The following RBFOX1 variants were observed in gnomAD, a reference collection of about 807,000 sequenced individuals.
The protein encoded by RBFOX1 is RNA binding fox-1 homolog 1.
RBFOX1 carries 8 observed loss-of-function variants against 57.7 expected under a neutral mutation model. The observed-to-expected ratio is 0.14, with a 90% confidence interval of 0.08 to 0.25. RBFOX1 has a LOEUF of 0.25. RBFOX1 is among the 10% of genes least tolerant of loss of function. RBFOX1 has a pLI of 1.00. For missense variants in RBFOX1, 611 were observed against 548.5 expected (o/e 1.11, Z -1.14); for synonymous variants, 326 against 222.4 (o/e 1.47, Z -4.15).
chr16:6,140,455 C>T (rs1459790166), intron 1 of RBFOX1, among the ~76,000 whole-genome samples: 2 of 152,162 alleles, frequency 1.3e-5, no homozygotes, highest in Admixed American at 1.3e-4. Flanking sequence ...CTTGGCCTCC[C>T]AAACTGCTGG....
intron 4 of RBFOX1, among the ~76,000 whole-genome samples, chr16:7,476,906 G>A (rs1331274278): frequency 1.3e-5 from 2 of 152,094 alleles, no homozygotes; most frequent in Non-Finnish European, 2.9e-5. Context: ...TTCAATTCTG[G>A]CTTTTTCCCC....
At chr16:5,838,266 A>G in intron 3 of RBFOX1, 2 of 227,190 alleles carry the variant, frequency 8.8e-6, no homozygotes, top group South Asian at 1.5e-4. Context: ...CCAGGTGACA[A>G]CAGCTCCTGA....
At chr16:5,346,247 T>C (rs1186925131) in intron 1 of RBFOX1, among the ~76,000 whole-genome samples, 1 of 152,194 alleles carries the variant, frequency 6.6e-6, no homozygotes, top group Non-Finnish European at 1.5e-5. Flanking sequence ...GTATGCCCAG[T>C]TATAAGACAG....
At chr16:6,591,435 C>T (rs770814676) in intron 2 of RBFOX1, among the ~76,000 whole-genome samples, 3 of 152,040 alleles carry the variant, frequency 2.0e-5, no homozygotes, top group South Asian at 2.1e-4. Flanking sequence ...GTCTGGGTGT[C>T]GTAGTGAGAC....
intron 1 of RBFOX1, among the ~76,000 whole-genome samples, chr16:6,115,595 A>G (rs1477264551): frequency 1.3e-5 from 2 of 152,128 alleles, no homozygotes; most frequent in Non-Finnish European, 2.9e-5. Context: ...AAGATTGCTG[A>G]GATAAATTCC....
intron 4 of RBFOX1, among the ~76,000 whole-genome samples, chr16:7,490,393 T>A (rs2066614989): frequency 6.6e-6 from 1 of 152,192 alleles, no homozygotes; most frequent in South Asian, 2.1e-4. Flanking sequence ...TACTGGAGCT[T>A]GTAGCTACTC....
intron 1 of RBFOX1, among the ~76,000 whole-genome samples, chr16:6,175,293 A>C (rs534284417): frequency 2.6e-5 from 4 of 152,314 alleles, no homozygotes; most frequent in Non-Finnish European, 5.9e-5. Flanking sequence ...CTAGGAACAC[A>C]TTGTCCACAA....
intron 1 of RBFOX1, among the ~76,000 whole-genome samples, chr16:5,336,996 C>T (rs1400571176): frequency 6.6e-6 from 1 of 152,190 alleles, no homozygotes; most frequent in African/African-American, 2.4e-5. Context: ...TTAAGAGGTG[C>T]CAATTAATTG....
chr16:7,312,547 C>T (rs1002045971), intron 4 of RBFOX1, among the ~76,000 whole-genome samples: 1 of 152,134 alleles, frequency 6.6e-6, no homozygotes, highest in Admixed American at 6.5e-5. Context: ...ACTTGGGTGT[C>T]ACTCCGGGTC....
At chr16:6,980,496 C>T (rs1049555461) in intron 3 of RBFOX1, among the ~76,000 whole-genome samples, 1 of 152,226 alleles carries the variant, frequency 6.6e-6, no homozygotes, top group African/African-American at 2.4e-5. Context: ...GTTTGCATTC[C>T]TAGGCCCACT....
At chr16:6,508,945 C>G (rs1373044507) in intron 2 of RBFOX1, among the ~76,000 whole-genome samples, 3 of 151,766 alleles carry the variant, frequency 2.0e-5, no homozygotes, top group African/African-American at 7.3e-5. Context: ...CAGGTTGAGA[C>G]CTGGTTTCTC....
chr16:5,861,390 C>T (rs562821413), intron 3 of RBFOX1, among the ~76,000 whole-genome samples: 1 of 152,298 alleles, frequency 6.6e-6, no homozygotes, highest in Non-Finnish European at 1.5e-5. Flanking sequence ...TACTCATTCT[C>T]CTCCTGTCAG....
chr16:7,596,530 T>G (rs1211906246), intron 8 of RBFOX1, among the ~76,000 whole-genome samples: 3 of 152,072 alleles, frequency 2.0e-5, no homozygotes, highest in Non-Finnish European at 4.4e-5. Flanking sequence ...TGGTGAATGG[T>G]AAGTGGTGAA....
intron 2 of RBFOX1, among the ~76,000 whole-genome samples, chr16:5,563,240 C>T (rs1043512444): frequency 7.2e-5 from 11 of 152,192 alleles, no homozygotes; most frequent in African/African-American, 7.2e-5. Context: ...TGAGCCACCG[C>T]GCCCAGCTGA....
intron 2 of RBFOX1, among the ~76,000 whole-genome samples, chr16:6,336,932 T>A (rs542220768): frequency 2.0e-5 from 3 of 152,320 alleles, no homozygotes; most frequent in Non-Finnish European, 4.4e-5. Flanking sequence ...ATTGGCAATC[T>A]ACTATCTGCA....
chr16:6,360,584 T>A (rs75503849), intron 2 of RBFOX1, among the ~76,000 whole-genome samples: 222 of 152,318 alleles, frequency 1.5e-3, no homozygotes, highest in African/African-American at 4.8e-3. Context: ...CATCCAATAT[T>A]ATTATGGAGC....
intron 2 of RBFOX1, among the ~76,000 whole-genome samples, chr16:5,551,522 C>T (rs2045464069): frequency 6.6e-6 from 1 of 152,174 alleles, no homozygotes; most frequent in African/African-American, 2.4e-5. Context: ...CAAAGTGCCT[C>T]CGAATCCACT....
chr16:5,591,581 C>T (rs2047009734), intron 2 of RBFOX1, among the ~76,000 whole-genome samples: 1 of 152,154 alleles, frequency 6.6e-6, no homozygotes, highest in Admixed American at 6.6e-5. Context: ...ATATCAGTTT[C>T]TTCTCTGTCT....
chr16:7,335,554 C>T (rs1242425780), intron 4 of RBFOX1, among the ~76,000 whole-genome samples: 1 of 144,666 alleles, frequency 6.9e-6, no homozygotes, highest in Non-Finnish European at 1.5e-5. Flanking sequence ...TTCAGACCAG[C>T]ATCGCCCTGT....
Sources: allele counts gnomAD v4.1 joint callset (sites outside exome capture counted in the v4.1 genomes callset), GRCh38; gene constraint gnomAD v4.1.1; transcripts MANE v1.5; gene names NCBI Gene and HGNC (gene_info 2026-07-23, HGNC 2026-07-21).